The following TNIK variants were observed in gnomAD, a reference collection of about 807,000 sequenced individuals.
The protein encoded by TNIK is TRAF2 and NCK-interacting protein kinase.
A neutral mutation model predicts 191.3 loss-of-function variants in TNIK; 49 were observed. The observed-to-expected ratio is 0.26, with a 90% CI of 0.20 to 0.32. The LOEUF (loss-of-function observed/expected upper bound fraction) is 0.32, where lower values mean the gene tolerates loss of function less well. Among genes scored for constraint, TNIK ranks in the 10% least tolerant of loss-of-function variants. TNIK has a pLI of 1.00. For synonymous variants in TNIK, 594 were observed against 600.9 expected (o/e 0.99, Z 0.17); for missense variants, 1,155 against 1,702.3 (o/e 0.68, Z 5.66).
At chr3:171,066,379 TCA>T in intron 31 of TNIK, 53 bp from the exon 32 acceptor site, 1 of 1,570,034 alleles carries the variant, frequency 6.4e-7, no homozygotes, top group African/African-American at 1.4e-5. Context: ...GGGCAATAAC[TCA>T]CAGCATCTGT....
chr3:171,327,931 A>AAAAAAAAAAAAAAAAAC (rs1755982499), intron 2 of TNIK, among the ~76,000 whole-genome samples: 1 of 132,554 alleles, frequency 7.5e-6, no homozygotes, highest in Non-Finnish European at 1.6e-5. Context: ...AAAAAAAAAA[A>AAAAAAAAAAAAAAAAAC]TCACTTGTTT....
chr3:171,288,686 T>C (rs1751331483), intron 2 of TNIK, among the ~76,000 whole-genome samples: 1 of 151,936 alleles, frequency 6.6e-6, no homozygotes, highest in Non-Finnish European at 1.5e-5. Flanking sequence ...TGTGTGCCTG[T>C]AGTCCCAGCT....
At chr3:171,270,194 GTCAC>G (rs1748908775) in intron 2 of TNIK, among the ~76,000 whole-genome samples, 2 of 152,124 alleles carry the variant, frequency 1.3e-5, no homozygotes, top group Non-Finnish European at 2.9e-5. Context: ...AGTTGGGTAG[GTCAC>G]TCACTAAATT....
Position 171,067,456 on chromosome 3 carries a change from G to A in TNIK, c.3700-721C>T, listed in dbSNP as rs901291203. ...GAGGCCGAGGCGGGCGGATCACGAC[G>A]TCAGGAGATCGAGACCATCCTGGCT... On this transcript the variant is annotated intron_variant, in intron 30 of 32. Transcript: ENST00000436636. Among the ~76,000 whole-genome samples, 16 of 151,986 alleles carry A rather than the reference G, an allele frequency of 1.1e-4. 1 individual carries two copies. The highest frequency in any genetic ancestry group is 3.4e-3 in the Middle Eastern group (1 of 294).
chr3:171,092,693 T>A (rs1359289346), intron 23 of TNIK, among the ~76,000 whole-genome samples: 2 of 152,248 alleles, frequency 1.3e-5, no homozygotes, highest in Non-Finnish European at 2.9e-5. Flanking sequence ...CAAGTTGCTT[T>A]GTGAACTAGT....
intron 2 of TNIK, among the ~76,000 whole-genome samples, chr3:171,238,520 AT>A (rs1744577884): frequency 1.3e-5 from 2 of 152,090 alleles, no homozygotes; most frequent in African/African-American, 4.8e-5. Context: ...GTCTGGAGAC[AT>A]CTTTTGATTG....
intron 1 of TNIK, among the ~76,000 whole-genome samples, chr3:171,453,595 A>G (rs1728450337): frequency 6.6e-6 from 1 of 152,148 alleles, no homozygotes; most frequent in East Asian, 1.9e-4. Context: ...AATAAAAACA[A>G]CCAGATTGAA....
At chr3:171,262,754 A>G (rs1056672251) in intron 2 of TNIK, among the ~76,000 whole-genome samples, 9 of 152,210 alleles carry the variant, frequency 5.9e-5, no homozygotes, top group Non-Finnish European at 7.3e-5. Context: ...GGGAACCTCA[A>G]TTTTGTTCTA....
In TNIK at chr3:171,072,548, A is replaced by G. The variant is rs141630896; in HGVS notation, c.3449-1225T>C. On this transcript the variant is annotated intron_variant, in intron 28 of 32. Coordinates refer to ENST00000436636, the MANE Select transcript of TNIK (RefSeq NM_015028.4). Reference sequence around the variant, plus strand: ...CAAGACAAGAATTTCCACTCTTACCACTCCTATAGTATTGGAAGTCCTAGC... The same window carrying G: ...CAAGACAAGAATTTCCACTCTTACCGCTCCTATAGTATTGGAAGTCCTAGC... 1.5e-4 allele frequency among the ~76,000 whole-genome samples: 23 copies of G among 152,040 alleles called. No individual in the cohort carries two copies. In the East Asian group the frequency reaches 4.4e-3, roughly 29 times the overall value.
chr3:171,322,140 A>G (rs529204487), intron 2 of TNIK, among the ~76,000 whole-genome samples: 19 of 152,186 alleles, frequency 1.2e-4, no homozygotes, highest in Admixed American at 7.9e-4. Context: ...TTCCTTATTT[A>G]GCAATGCTCT....
chr3:171,332,963 G>A (rs1440874063), intron 2 of TNIK, among the ~76,000 whole-genome samples: 1 of 152,088 alleles, frequency 6.6e-6, no homozygotes, highest in Non-Finnish European at 1.5e-5. Context: ...GGGACTAGGG[G>A]GTGGAAATGC....
intron 7 of TNIK, among the ~76,000 whole-genome samples, chr3:171,188,159 T>G (rs1218915899): frequency 6.6e-6 from 1 of 152,116 alleles, no homozygotes; most frequent in Non-Finnish European, 1.5e-5. Flanking sequence ...AAGTAACAAG[T>G]CACAAATCAA....
chr3:171,146,861 T>C (rs886629481), intron 12 of TNIK, among the ~76,000 whole-genome samples: 1 of 149,780 alleles, frequency 6.7e-6, no homozygotes, highest in East Asian at 2.0e-4. Context: ...CTGTACGAGA[T>C]TGTGCCTGGG....
At chr3:171,105,897 A>ATCCCTGC (rs2108481079) in intron 21 of TNIK, among the ~76,000 whole-genome samples, 1 of 152,264 alleles carries the variant, frequency 6.6e-6, no homozygotes, top group East Asian at 1.9e-4. Flanking sequence ...AGTTGTGATA[A>ATCCCTGC]TCCCTGCCCT....
At chr3:171,360,986 A>T (rs752680793) in intron 2 of TNIK, among the ~76,000 whole-genome samples, 9 of 152,266 alleles carry the variant, frequency 5.9e-5, no homozygotes, top group Non-Finnish European at 8.8e-5. Context: ...AATGCCAGGC[A>T]GTTGTTAGAT....
intron 2 of TNIK, among the ~76,000 whole-genome samples, chr3:171,349,900 C>T (rs1176847626): frequency 6.6e-6 from 1 of 152,106 alleles, no homozygotes; most frequent in Non-Finnish European, 1.5e-5. Context: ...ATTGTTAAAT[C>T]TGAGTGAATG....
intron 4 of TNIK, among the ~76,000 whole-genome samples, chr3:171,198,520 T>C (rs1739006210): frequency 6.6e-6 from 1 of 152,180 alleles, no homozygotes; most frequent in Non-Finnish European, 1.5e-5. Flanking sequence ...TTATACATTC[T>C]AAAGTAGTTA....
intron 2 of TNIK, among the ~76,000 whole-genome samples, chr3:171,267,282 G>T (rs1339819679): frequency 6.6e-6 from 1 of 152,138 alleles, no homozygotes; most frequent in Non-Finnish European, 1.5e-5. Context: ...CTGGTGTAAG[G>T]GCTGCTCTCT....
chr3:171,397,982 G>A (rs1351793131), intron 1 of TNIK, among the ~76,000 whole-genome samples: 1 of 152,180 alleles, frequency 6.6e-6, no homozygotes, highest in Non-Finnish European at 1.5e-5. Context: ...CACACTGCTG[G>A]AGAATTCTTA....
Sources: allele counts gnomAD v4.1 joint callset (sites outside exome capture counted in the v4.1 genomes callset), GRCh38; gene constraint gnomAD v4.1.1; transcripts MANE v1.5; gene names NCBI Gene and HGNC (gene_info 2026-07-23, HGNC 2026-07-21).